The following CTNNA3 variants were observed in gnomAD, a reference collection of about 807,000 sequenced individuals.
The protein encoded by CTNNA3 is catenin alpha 3.
Under a neutral mutation model 95.7 loss-of-function variants are expected in CTNNA3, and 76 were observed. The ratio of observed to expected loss-of-function variants is 0.79; its 90% CI spans 0.66 to 0.96. CTNNA3 has a LOEUF of 0.96. Ranked by LOEUF, CTNNA3 falls within the 40% of genes least tolerant of loss-of-function variation. CTNNA3 has a pLI of 0.00. For missense variants in CTNNA3, 1,191 were observed against 1,089.8 expected (o/e 1.09, Z -1.31); for synonymous variants, 431 against 374.4 (o/e 1.15, Z -1.74).
At chr10:67,419,911 G>A (rs749205233) in intron 5 of CTNNA3, among the ~76,000 whole-genome samples, 23 of 152,010 alleles carry the variant, frequency 1.5e-4, no homozygotes, top group Non-Finnish European at 5.9e-5. Flanking sequence ...GAGTGCAGTG[G>A]CACGATCTTG....
intron 9 of CTNNA3, among the ~76,000 whole-genome samples, chr10:66,763,307 A>AACACACACACACAC (rs138081667): frequency 1.4e-5 from 2 of 145,336 alleles, no homozygotes; most frequent in African/African-American, 5.1e-5. Flanking sequence ...TCATGAGATA[A>AACACACACACACAC]ACACACACAC....
intron 10 of CTNNA3, among the ~76,000 whole-genome samples, chr10:66,539,938 C>T (rs74655914): frequency 2.0e-3 from 301 of 152,072 alleles, no homozygotes; most frequent in Non-Finnish European, 3.4e-3. Flanking sequence ...GGTAAAATAC[C>T]TATAATAGTC....
At chr10:66,844,302 ATTC>A in intron 7 of CTNNA3, among the ~76,000 whole-genome samples, 1 of 152,292 alleles carries the variant, frequency 6.6e-6, no homozygotes, top group South Asian at 2.1e-4. Flanking sequence ...TTCCTTGGTT[ATTC>A]TTAGTCAATA....
chr10:66,687,600 C>G (rs10822875), intron 9 of CTNNA3, among the ~76,000 whole-genome samples: 84,061 of 151,536 alleles, frequency 0.55, 24,040 homozygotes, highest in African/African-American at 0.69. Context: ...AATGAAGAAG[C>G]CTGAGGAGAG....
At chr10:66,916,405 A>G (rs1846497774) in intron 7 of CTNNA3, among the ~76,000 whole-genome samples, 1 of 152,242 alleles carries the variant, frequency 6.6e-6, no homozygotes, top group Non-Finnish European at 1.5e-5. Flanking sequence ...CTAAAATAAA[A>G]TGATTGCACC....
chr10:67,734,023 G>T (rs928179560), intron 1 of CTNNA3, among the ~76,000 whole-genome samples: 1 of 152,046 alleles, frequency 6.6e-6, no homozygotes, highest in African/African-American at 2.4e-5. Flanking sequence ...CAACCACGCT[G>T]GATTTTTAAA....
chr10:67,280,932 CT>C (rs1447968385), intron 5 of CTNNA3, among the ~76,000 whole-genome samples: 2 of 151,946 alleles, frequency 1.3e-5, no homozygotes, highest in Non-Finnish European at 1.5e-5. Flanking sequence ...TCTTTTTCTC[CT>C]GTTAATCTGT....
intron 7 of CTNNA3, among the ~76,000 whole-genome samples, 186 bp downstream of exon 7, chr10:67,180,131 C>T (rs978076363): frequency 6.6e-6 from 1 of 152,104 alleles, no homozygotes; most frequent in Non-Finnish European, 1.5e-5. Context: ...TGATCTCATC[C>T]CTAGAAATTC....
intron 10 of CTNNA3, among the ~76,000 whole-genome samples, chr10:66,582,390 T>C (rs1843218547): frequency 6.6e-6 from 1 of 151,848 alleles, no homozygotes; most frequent in South Asian, 2.1e-4. Context: ...ATATTTTATC[T>C]TTTTGTAGCT....
At chr10:67,178,723 C>T (rs899715505) in intron 7 of CTNNA3, among the ~76,000 whole-genome samples, 1 of 151,566 alleles carries the variant, frequency 6.6e-6, no homozygotes, top group Admixed American at 6.6e-5. Flanking sequence ...TATAACTTTA[C>T]TATATTTTAT....
intron 5 of CTNNA3, among the ~76,000 whole-genome samples, chr10:67,480,364 C>A (rs1296444092): frequency 6.6e-6 from 1 of 152,174 alleles, no homozygotes; most frequent in Admixed American, 6.5e-5. Context: ...TAGGAACAGG[C>A]CTCAAGCCTG....
chr10:67,045,014 T>A (rs1260658071), intron 7 of CTNNA3, among the ~76,000 whole-genome samples: 10 of 152,234 alleles, frequency 6.6e-5, no homozygotes, highest in African/African-American at 2.4e-4. Flanking sequence ...CAATAAATGT[T>A]AATCCCCCCA....
chr10:67,392,185 C>T (rs1205673644), intron 5 of CTNNA3, among the ~76,000 whole-genome samples: 3 of 152,152 alleles, frequency 2.0e-5, no homozygotes, highest in African/African-American at 7.2e-5. Flanking sequence ...CCAGAATCTA[C>T]AGTGAACTCA....
At chr10:67,106,823 T>C (rs935487264) in intron 7 of CTNNA3, among the ~76,000 whole-genome samples, 1 of 152,228 alleles carries the variant, frequency 6.6e-6, no homozygotes, top group Non-Finnish European at 1.5e-5. Flanking sequence ...TTAATGTGTT[T>C]ATTACATACC....
chr10:66,328,222 A>G (rs568753287), intron 12 of CTNNA3, among the ~76,000 whole-genome samples: 1 of 152,232 alleles, frequency 6.6e-6, no homozygotes, highest in South Asian at 2.1e-4. Flanking sequence ...TTCAATCTTG[A>G]TAAGAAAGCT....
At position 67,209,146 on chromosome 10, in the gene CTNNA3, TC is replaced by T. The variant is rs1376860288; in HGVS notation, c.843+10460del. 2.0e-5 allele frequency among the ~76,000 whole-genome samples: 3 copies of T among 152,208 alleles called. No individual in the cohort carries two copies. In the East Asian group the frequency reaches 5.8e-4, roughly 29 times the overall value. On this transcript the variant is annotated intron_variant, in intron 6 of 17. Transcript: ENST00000433211. Reference sequence around the variant, plus strand: ...TCACTGCAACCTCTGCCTCCTGAGTTCCAGAGATTATCTTGCCTCAGCTTCC... The same window carrying T: ...TCACTGCAACCTCTGCCTCCTGAGTTCAGAGATTATCTTGCCTCAGCTTCC...
At chr10:66,343,772 T>C (rs2092476669) in intron 12 of CTNNA3, among the ~76,000 whole-genome samples, 1 of 152,100 alleles carries the variant, frequency 6.6e-6, no homozygotes, top group Non-Finnish European at 1.5e-5. Context: ...ATGATGGATA[T>C]GCTAATTACC....
intron 7 of CTNNA3, among the ~76,000 whole-genome samples, chr10:67,001,809 C>A (rs73324970): frequency 0.017 from 2,626 of 152,212 alleles, 91 homozygotes; most frequent in African/African-American, 0.059. Context: ...GGAAAAGAAA[C>A]CCACCAGTTT....
At chr10:66,638,403 T>A (rs568939388) in intron 9 of CTNNA3, among the ~76,000 whole-genome samples, 2 of 152,180 alleles carry the variant, frequency 1.3e-5, no homozygotes, top group African/African-American at 4.8e-5. Context: ...AAGCGGACTT[T>A]AATTGAATAT....
Sources: allele counts gnomAD v4.1 joint callset (sites outside exome capture counted in the v4.1 genomes callset), GRCh38; gene constraint gnomAD v4.1.1; transcripts MANE v1.5; gene names NCBI Gene and HGNC (gene_info 2026-07-23, HGNC 2026-07-21).